FERRY3: variants seen among roughly 807,000 people sequenced by gnomAD.
FERRY3 encodes protein C12orf4.
the FERRY3 span, among the ~76,000 whole-genome samples, chr12:4,497,621 T>C: frequency 1.8e-4 from 27 of 152,186 alleles, no homozygotes; most frequent in African/African-American, 5.3e-4. Context: ...TAAAAGGAAG[T>C]TGAGAATTCA....
At chr12:4,502,438 C>CT in the FERRY3 span, 2 of 451,150 alleles carry the variant, frequency 4.4e-6, no homozygotes, top group Non-Finnish European at 8.9e-6. This position sits in a 1 kb window ranked among gnomAD's most constrained non-coding sequence, Gnocchi z 4.2. Flanking sequence ...CTGTGTAGCT[C>CT]TACAAGCCAA....
chr12:4,534,144 C>A, the FERRY3 span: 1 of 1,546,570 alleles, frequency 6.5e-7, no homozygotes, highest in Non-Finnish European at 8.7e-7. Flanking sequence ...TACAATCTGA[C>A]CTATTTTCTT....
the FERRY3 span, among the ~76,000 whole-genome samples, chr12:4,523,483 T>A: frequency 6.6e-6 from 1 of 152,174 alleles, no homozygotes; most frequent in Non-Finnish European, 1.5e-5. Flanking sequence ...GGATTATAAA[T>A]CATGTGCTAT....
the FERRY3 span, chr12:4,529,927 CAAAG>C: frequency 6.2e-7 from 1 of 1,613,274 alleles, no homozygotes; most frequent in Non-Finnish European, 8.5e-7. Context: ...GAGATACTAA[CAAAG>C]TAATTATGTT....
chr12:4,527,573 G>T, the FERRY3 span, among the ~76,000 whole-genome samples: 1 of 152,060 alleles, frequency 6.6e-6, no homozygotes, highest in African/African-American at 2.4e-5. Context: ...ATAAGAAAAT[G>T]TGTCACTTCT....
the FERRY3 span, among the ~76,000 whole-genome samples, chr12:4,507,053 C>CT: frequency 6.6e-6 from 1 of 152,260 alleles, no homozygotes; most frequent in African/African-American, 2.4e-5. Flanking sequence ...CACGCACTGC[C>CT]TTAGCCGTAT....
At chr12:4,532,390 T>C in the FERRY3 span, among the ~76,000 whole-genome samples, 1 of 152,218 alleles carries the variant, frequency 6.6e-6, no homozygotes, top group Non-Finnish European at 1.5e-5. Flanking sequence ...CAGCTTCTCT[T>C]CTGTTGGCCT....
the FERRY3 span, among the ~76,000 whole-genome samples, chr12:4,528,510 A>G: frequency 6.6e-6 from 1 of 152,136 alleles, no homozygotes; most frequent in Non-Finnish European, 1.5e-5. Context: ...AAACTGCCCC[A>G]ATACAGCTGG....
chr12:4,525,866 A>C, the FERRY3 span, among the ~76,000 whole-genome samples: 2 of 152,192 alleles, frequency 1.3e-5, no homozygotes, highest in African/African-American at 2.4e-5. Context: ...GTTACCTTTC[A>C]ATTACCATGG....
At chr12:4,517,027 T>C in the FERRY3 span, 6 of 1,466,646 alleles carry the variant, frequency 4.1e-6, no homozygotes, top group African/African-American at 2.8e-5. Flanking sequence ...ACAGTGATTA[T>C]AGACAGAATA....
chr12:4,518,314 A>G, the FERRY3 span: 1 of 1,461,440 alleles, frequency 6.8e-7, no homozygotes, highest in Non-Finnish European at 9.5e-7. Context: ...GTCCAGTATA[A>G]CAAGATGCAA....
chr12:4,537,297 T>C, the FERRY3 span, among the ~76,000 whole-genome samples: 1 of 152,184 alleles, frequency 6.6e-6, no homozygotes, highest in African/African-American at 2.4e-5. Context: ...TCCAACTCCC[T>C]AAAACTGGAT....
chr12:4,491,459 G>A, the FERRY3 span, among the ~76,000 whole-genome samples: 3 of 151,608 alleles, frequency 2.0e-5, no homozygotes, highest in Non-Finnish European at 4.4e-5. Context: ...CCTAAATACA[G>A]TTAAAAAATA....
chr12:4,537,902 T>G, the FERRY3 span, among the ~76,000 whole-genome samples: 7 of 152,292 alleles, frequency 4.6e-5, no homozygotes, highest in Non-Finnish European at 1.5e-5. Flanking sequence ...CATATAAGTT[T>G]TATTTATAAT....
At chr12:4,528,729 C>T in the FERRY3 span, among the ~76,000 whole-genome samples, 2 of 152,010 alleles carry the variant, frequency 1.3e-5, no homozygotes, top group South Asian at 2.1e-4. Context: ...TTATTAAATA[C>T]ATTTCCTTAT....
the FERRY3 span, chr12:4,536,022 T>G: frequency 5.2e-6 from 8 of 1,550,694 alleles, no homozygotes; most frequent in African/African-American, 1.1e-4. Context: ...CTCACCTTTT[T>G]CTATAAAGCA....
the FERRY3 span, among the ~76,000 whole-genome samples, chr12:4,497,965 T>C: frequency 2.6e-5 from 4 of 152,232 alleles, no homozygotes; most frequent in Admixed American, 6.5e-5. Context: ...TCCTGTGTAG[T>C]GTTGTCTGAG....
At chr12:4,505,155 A>T in the FERRY3 span, 1 of 610,472 alleles carries the variant, frequency 1.6e-6, no homozygotes, top group Non-Finnish European at 2.9e-6. Context: ...CGTCTGTGAA[A>T]GTGTATTATA....
the FERRY3 span, among the ~76,000 whole-genome samples, chr12:4,507,870 T>C: frequency 2.6e-5 from 4 of 152,158 alleles, no homozygotes; most frequent in East Asian, 1.9e-4. Context: ...TGCTTACACA[T>C]ACATAAACAT....
Sources: allele counts gnomAD v4.1 joint callset (sites outside exome capture counted in the v4.1 genomes callset), GRCh38; gene constraint gnomAD v4.1.1; non-coding constraint Gnocchi (gnomAD v3.1); transcripts MANE v1.5; gene names NCBI Gene and HGNC (gene_info 2026-07-23, HGNC 2026-07-21).